SVIL: variants seen among roughly 807,000 people sequenced by gnomAD.
SVIL encodes archvillin.
In SVIL, 101 loss-of-function variants were observed where a neutral mutation model predicts 240.4. That is an observed-to-expected ratio of 0.42 (90% CI 0.36 to 0.50). SVIL has a LOEUF of 0.50. Ranked by LOEUF, SVIL falls within the 20% of genes least tolerant of loss-of-function variation. The pLI is 0.01. For missense variants in SVIL, 2,512 were observed against 2,818.7 expected (o/e 0.89, Z 2.46); for synonymous variants, 999 against 1,100.0 (o/e 0.91, Z 1.82).
chr10:29,689,441 C>G (rs774429553), intron 1 of SVIL, among the ~76,000 whole-genome samples: 1 of 152,206 alleles, frequency 6.6e-6, no homozygotes, highest in Non-Finnish European at 1.5e-5. Flanking sequence ...CACACCAACA[C>G]ATCCGGCTAA....
intron 1 of SVIL, among the ~76,000 whole-genome samples, chr10:29,617,411 T>C (rs913820043): frequency 1.3e-5 from 2 of 151,998 alleles, no homozygotes; most frequent in African/African-American, 4.8e-5. Flanking sequence ...ATTTTGTATT[T>C]TGTACTAAAA....
At chr10:29,506,698 C>G (rs61849285) in intron 17 of SVIL, among the ~76,000 whole-genome samples, 20,915 of 105,090 alleles carry the variant, frequency 0.2, 1,038 homozygotes, top group Admixed American at 0.22. Context: ...GGGACAGAGG[C>G]CCTACGAGGG....
intron 1 of SVIL, among the ~76,000 whole-genome samples, chr10:29,691,052 T>C (rs1210310196): frequency 6.6e-6 from 1 of 152,202 alleles, no homozygotes; most frequent in East Asian, 1.9e-4. Flanking sequence ...CATTTTCTTC[T>C]GGAAGAGTAA....
chr10:29,714,881 G>A (rs1308891015), intron 1 of SVIL, among the ~76,000 whole-genome samples: 1 of 148,596 alleles, frequency 6.7e-6, no homozygotes, highest in Non-Finnish European at 1.5e-5. Flanking sequence ...GGTCACTTGA[G>A]CCTAGGAGGT....
rs894744100 is a variant in SVIL at position 29,735,161 on chromosome 10, C to A, written c.-400+590G>T. 6.6e-6 allele frequency among the ~76,000 whole-genome samples: 1 copy of A among 152,064 alleles called. No homozygotes were observed. Among genetic ancestry groups the A allele is most frequent in the East Asian group, 1.9e-4 (1 of 5,142 alleles). ...ACTCCCTTCGGGGAGCCCGCACGCGCGCAGAAACGTGGGCAGCTGGGGTGG... is the reference window on the plus strand; with the variant it reads ...ACTCCCTTCGGGGAGCCCGCACGCGAGCAGAAACGTGGGCAGCTGGGGTGG... On this transcript the variant is annotated intron_variant, in intron 1 of 35. Coordinates refer to the SVIL transcript ENST00000375400. This position sits in a 1 kb window ranked among gnomAD's most constrained non-coding sequence, Gnocchi z 4.1.
intron 34 of SVIL, among the ~76,000 whole-genome samples, chr10:29,465,320 C>T (rs1325171972): frequency 1.3e-5 from 2 of 152,170 alleles, no homozygotes; most frequent in Non-Finnish European, 2.9e-5. Flanking sequence ...GACGCCAGGC[C>T]TGCCGCTGTG....
intron 1 of SVIL, among the ~76,000 whole-genome samples, chr10:29,700,462 T>A (rs1301866971): frequency 7.3e-6 from 1 of 136,832 alleles, no homozygotes; most frequent in Non-Finnish European, 1.6e-5. Context: ...AAATTCTTAC[T>A]ATTTCCTTTT....
At chr10:29,717,873 A>G (rs1265260138) in intron 1 of SVIL, among the ~76,000 whole-genome samples, 1 of 152,324 alleles carries the variant, frequency 6.6e-6, no homozygotes, top group East Asian at 1.9e-4. Context: ...AGTATTTCAG[A>G]TAAAAATGTA....
Position 29,532,668 on chromosome 10 carries a change from A to G in SVIL, c.1699T>C (p.Ser567Pro). ...CTGGGCAGCTCCAGCTCTCTCCTGG[A>G]AGCTGGGTCCTTATACTTCAAGGCC... Reference protein sequence around the residue: ...LQALKYKDPASRRELELPSSK... With the variant: ...LQALKYKDPAPRRELELPSSK... The change falls in exon 8 of 38, where the codon TCC becomes CCC. Residue 567 changes from serine to proline, a missense_variant. By Grantham distance (74) the Ser-to-Pro change is moderately conservative. Transcript: ENST00000355867. 4 of 1,614,088 alleles carry G rather than the reference A, an allele frequency of 2.5e-6. No homozygotes were observed. The highest frequency in any genetic ancestry group is 3.4e-6 in the Non-Finnish European group (4 of 1,180,024).
intron 1 of SVIL, among the ~76,000 whole-genome samples, chr10:29,573,032 G>C (rs1285156207): frequency 6.6e-6 from 1 of 151,378 alleles, no homozygotes; most frequent in African/African-American, 2.4e-5. Context: ...AAATTTTCCT[G>C]TCGCTTGCTT....
intron 21 of SVIL, among the ~76,000 whole-genome samples, chr10:29,491,641 G>A (rs1237922540): frequency 6.6e-6 from 1 of 152,112 alleles, no homozygotes; most frequent in Non-Finnish European, 1.5e-5. Flanking sequence ...ATTCTTTGGG[G>A]TGGAAAACCA....
At position 29,493,115 on chromosome 10, in the gene SVIL, G is replaced by A. The variant is rs897502164; in HGVS notation, c.4019+99C>T. Reference sequence around the variant, plus strand: ...CGCCGCCGTGATGGAGTTAGAAGGAGAAGGAGGCCACACTGGGGGAAAAGC... The same window carrying A: ...CGCCGCCGTGATGGAGTTAGAAGGAAAAGGAGGCCACACTGGGGGAAAAGC... On this transcript the variant is annotated intron_variant, in intron 21 of 37. Transcript: ENST00000355867. 5.2e-6 allele frequency: 7 copies of A among 1,358,334 alleles called. No individual in the cohort carries two copies. In the African/African-American group the frequency reaches 8.8e-5, roughly 17 times the overall value. The allele number at this position is 1,358,334 out of a possible 1,614,324, so 84.1% of individuals were successfully genotyped here. A position where few individuals can be genotyped will look rare whatever the true frequency, so the allele number is the denominator to read the frequency against.
intron 1 of SVIL, among the ~76,000 whole-genome samples, chr10:29,705,039 G>A (rs1181008436): frequency 1.3e-5 from 2 of 152,150 alleles, no homozygotes; most frequent in Non-Finnish European, 2.9e-5. Context: ...CCTTTGAAAT[G>A]TAATGAGACT....
At chr10:29,703,006 T>C (rs1752582) in intron 1 of SVIL, among the ~76,000 whole-genome samples, 109,725 of 152,030 alleles carry the variant, frequency 0.72, 39,631 homozygotes, top group East Asian at 0.83. Flanking sequence ...AAAAAAAGAA[T>C]GCATCTTGGA....
At chr10:29,543,683 C>A (rs1054241900) in intron 6 of SVIL, among the ~76,000 whole-genome samples, 3 of 152,116 alleles carry the variant, frequency 2.0e-5, no homozygotes, top group Non-Finnish European at 4.4e-5. Flanking sequence ...CTTCCTCCTC[C>A]ATCTCTCCCC....
chr10:29,596,261 A>G (rs1189414152), intron 1 of SVIL, among the ~76,000 whole-genome samples: 5 of 152,310 alleles, frequency 3.3e-5, no homozygotes, highest in African/African-American at 4.8e-5. Flanking sequence ...GCTTGAGGCC[A>G]GGAGTTTGAG....
At chr10:29,644,694 G>C (rs541141282) in intron 3 of SVIL, among the ~76,000 whole-genome samples, 2 of 152,198 alleles carry the variant, frequency 1.3e-5, no homozygotes, top group Admixed American at 1.3e-4. Flanking sequence ...AAGAAAGAGG[G>C]AAAGAAAGAA....
At chr10:29,673,793 C>A (rs893579008) in intron 2 of SVIL, among the ~76,000 whole-genome samples, 4 of 152,118 alleles carry the variant, frequency 2.6e-5, no homozygotes, top group Admixed American at 2.0e-4. Flanking sequence ...GGCACAGAGC[C>A]AAACCATATC....
chr10:29,535,814 T>C (rs575033288), intron 7 of SVIL, among the ~76,000 whole-genome samples, 175 bp downstream of exon 7: 2 of 152,284 alleles, frequency 1.3e-5, no homozygotes, highest in East Asian at 3.9e-4. Flanking sequence ...ACTATTAGCA[T>C]GGATTAGGGC....
Sources: allele counts gnomAD v4.1 joint callset (sites outside exome capture counted in the v4.1 genomes callset), GRCh38; gene constraint gnomAD v4.1.1; non-coding constraint Gnocchi (gnomAD v3.1); transcripts MANE v1.5; gene names NCBI Gene and HGNC (gene_info 2026-07-23, HGNC 2026-07-21).